FCHSD2: variants seen among roughly 807,000 people sequenced by gnomAD.
FCHSD2 encodes FCH and double SH3 domains 2.
In FCHSD2, 38 loss-of-function variants were observed where a neutral mutation model predicts 108.1. The observed-to-expected ratio is 0.35, with a 90% CI of 0.27 to 0.46. FCHSD2 has a LOEUF of 0.46. Among genes scored for constraint, FCHSD2 ranks in the 20% least tolerant of loss-of-function variants. The probability of loss-of-function intolerance (pLI) is 1.00; values close to 1 mark genes in which losing one functional copy is unlikely to be tolerated. For synonymous variants in FCHSD2, 279 were observed against 314.7 expected (o/e 0.89, Z 1.20); for missense variants, 751 against 897.8 (o/e 0.84, Z 2.09).
chr11:73,107,713 G>A (rs1020566518), intron 2 of FCHSD2, among the ~76,000 whole-genome samples: 1 of 152,128 alleles, frequency 6.6e-6, no homozygotes, highest in African/African-American at 2.4e-5. Context: ...TCTTTTCTGT[G>A]TCTGGCTTAT....
intron 3 of FCHSD2, among the ~76,000 whole-genome samples, chr11:73,029,354 C>T (rs187774352): frequency 2.6e-5 from 4 of 152,278 alleles, no homozygotes; most frequent in South Asian, 4.1e-4. Flanking sequence ...CGGTTTGATG[C>T]AATTATTTTA....
chr11:72,946,188 C>A (rs1177367526), intron 8 of FCHSD2, among the ~76,000 whole-genome samples: 5 of 152,038 alleles, frequency 3.3e-5, no homozygotes, highest in Non-Finnish European at 5.9e-5. Context: ...AAATGTGGCA[C>A]ATATACACCA....
chr11:72,905,476 A>G (rs1238331306), intron 9 of FCHSD2, among the ~76,000 whole-genome samples: 1 of 152,228 alleles, frequency 6.6e-6, no homozygotes, highest in Non-Finnish European at 1.5e-5. Flanking sequence ...TCTAGGGTAC[A>G]TAGGCACAAC....
chr11:72,848,744 T>A (rs1861211807), intron 14 of FCHSD2, among the ~76,000 whole-genome samples: 2 of 152,210 alleles, frequency 1.3e-5, no homozygotes, highest in African/African-American at 4.8e-5. Context: ...CTGTTTAAAA[T>A]CACTCAGACA....
At position 72,964,789 on chromosome 11, in the gene FCHSD2, C is replaced by T. The variant is rs1435563553; in HGVS notation, c.705+19299G>A. On this transcript the variant is annotated intron_variant, in intron 8 of 19. Transcript: ENST00000409418. ...CAAACATGTAAATTTGATCATTTCA[C>T]TTTTTTTTTTTTTTTTTTGAGATGG... 3.8e-5 allele frequency among the ~76,000 whole-genome samples: 5 copies of T among 132,222 alleles called. No individual in the cohort carries two copies. The East Asian group carries it at 6.6e-4, about 17-fold the overall frequency. 86.7% of individuals were successfully genotyped at this position (132,222 alleles called of 152,430 possible).
At chr11:73,033,685 A>G (rs927038651) in intron 3 of FCHSD2, among the ~76,000 whole-genome samples, 1 of 152,242 alleles carries the variant, frequency 6.6e-6, no homozygotes, top group Non-Finnish European at 1.5e-5. Flanking sequence ...ACAAATTTAT[A>G]TAATTTATGG....
At chr11:72,973,735 T>C (rs1310476222) in intron 8 of FCHSD2, among the ~76,000 whole-genome samples, 1 of 152,210 alleles carries the variant, frequency 6.6e-6, no homozygotes, top group Non-Finnish European at 1.5e-5. Flanking sequence ...AGTTAGAACA[T>C]TCATAACACA....
rs548995394 is a variant in FCHSD2, at chr11:73,083,506, G to A, written c.165+189C>T. Among the ~76,000 whole-genome samples, 41 of 150,698 alleles carry A rather than the reference G, an allele frequency of 2.7e-4. 1 individual carries two copies. The highest frequency in any genetic ancestry group is 3.3e-4 in the Admixed American group (5 of 15,070). ...GGAGGTTGCAGTGAGCCAAGATTGC[G>A]CCACTGTACTCCAGCCTCGCAACAA... is the stretch of plus-strand genomic sequence containing the variant. On this transcript the variant is annotated intron_variant, in intron 3 of 19. Transcript: ENST00000409418.
At chr11:73,026,332 T>C (rs1858228773) in intron 3 of FCHSD2, among the ~76,000 whole-genome samples, 1 of 152,178 alleles carries the variant, frequency 6.6e-6, no homozygotes, top group African/African-American at 2.4e-5. Flanking sequence ...GTATACTGGA[T>C]TCAGGATTTT....
chr11:73,049,563 T>C (rs1320221649), intron 3 of FCHSD2, among the ~76,000 whole-genome samples: 5 of 147,642 alleles, frequency 3.4e-5, no homozygotes, highest in Non-Finnish European at 7.5e-5. Context: ...AGGGATAGCA[T>C]TGGGAGATAT....
intron 3 of FCHSD2, among the ~76,000 whole-genome samples, chr11:73,067,334 G>T (rs1231016615): frequency 6.6e-6 from 1 of 152,134 alleles, no homozygotes; most frequent in East Asian, 1.9e-4. Context: ...CCTGTTGGGG[G>T]TTGGGGGCTA....
chr11:72,884,371 T>A (rs780487284), intron 12 of FCHSD2, among the ~76,000 whole-genome samples: 1 of 151,498 alleles, frequency 6.6e-6, no homozygotes, highest in Non-Finnish European at 1.5e-5. Context: ...AGTAAAAAAA[T>A]AAAAGTGATT....
chr11:72,963,726 T>G (rs1418278767), intron 8 of FCHSD2, among the ~76,000 whole-genome samples: 1 of 152,118 alleles, frequency 6.6e-6, no homozygotes, highest in Non-Finnish European at 1.5e-5. Flanking sequence ...ACATGCGCAG[T>G]TCACAATAGG....
At chr11:72,873,955 C>T (rs565889221) in intron 12 of FCHSD2, among the ~76,000 whole-genome samples, 1 of 152,304 alleles carries the variant, frequency 6.6e-6, no homozygotes, top group South Asian at 2.1e-4. Flanking sequence ...ACTACCGTGC[C>T]ACTTTAACCA....
At chr11:72,948,485 C>T (rs1037060309) in intron 8 of FCHSD2, among the ~76,000 whole-genome samples, 1 of 152,064 alleles carries the variant, frequency 6.6e-6, no homozygotes, top group African/African-American at 2.4e-5. Context: ...TAAATTCTTA[C>T]AACATAATTT....
chr11:72,951,987 C>A (rs146103224), intron 8 of FCHSD2, among the ~76,000 whole-genome samples: 1 of 152,140 alleles, frequency 6.6e-6, no homozygotes, highest in East Asian at 1.9e-4. Flanking sequence ...ATATTGTTGG[C>A]ATTTTCAACA....
chr11:72,983,816 A>T (rs1197171962), intron 8 of FCHSD2: 1 of 532,798 alleles, frequency 1.9e-6, no homozygotes, highest in Non-Finnish European at 3.6e-6. Flanking sequence ...TGTATCTTCT[A>T]CATCAATAAC....
chr11:72,887,687 T>G, intron 11 of FCHSD2, 113 bp from the exon 12 acceptor site: 1 of 628,968 alleles, frequency 1.6e-6, no homozygotes, highest in Non-Finnish European at 2.6e-6. Context: ...GCCATAATTT[T>G]TTTTCATTTA....
chr11:72,913,954 C>T (rs1016292781), intron 9 of FCHSD2, among the ~76,000 whole-genome samples: 1 of 151,860 alleles, frequency 6.6e-6, no homozygotes, highest in Admixed American at 6.6e-5. Context: ...AAAAAACATA[C>T]TATGCTCATG....
Sources: gnomAD v4.1 joint callset for allele counts (sites outside exome capture counted in the v4.1 genomes callset) on GRCh38, gnomAD v4.1.1 for gene constraint, MANE v1.5 for transcripts, NCBI Gene and HGNC (gene_info 2026-07-23, HGNC 2026-07-21) for gene names.